The following MAP2K4 variants were observed in gnomAD, a reference collection of about 807,000 sequenced individuals.
MAP2K4 encodes dual specificity mitogen-activated protein kinase kinase 4.
In MAP2K4, 4 loss-of-function variants were observed where a neutral mutation model predicts 48.5. The observed-to-expected ratio is 0.08, with a 90% confidence interval of 0.04 to 0.19. The LOEUF is 0.19. Among genes scored for constraint, MAP2K4 ranks in the 10% least tolerant of loss-of-function variants. The pLI, the probability that MAP2K4 is intolerant of heterozygous loss-of-function variation, is 1.00. For missense variants in MAP2K4, 258 were observed against 493.3 expected (o/e 0.52, Z 4.52); for synonymous variants, 166 against 173.1 (o/e 0.96, Z 0.32).
At chr17:12,035,245 C>T (rs917084068) in intron 1 of MAP2K4, among the ~76,000 whole-genome samples, 4 of 152,118 alleles carry the variant, frequency 2.6e-5, no homozygotes, top group Non-Finnish European at 5.9e-5. Context: ...GGGCTGGGCA[C>T]GGTGGCTCAT....
intron 2 of MAP2K4, among the ~76,000 whole-genome samples, chr17:12,070,806 C>T (rs1162246871): frequency 1.3e-5 from 2 of 152,156 alleles, no homozygotes; most frequent in Admixed American, 6.5e-5. Flanking sequence ...CTATCTGGTT[C>T]TTTACAGAAA....
intron 1 of MAP2K4, among the ~76,000 whole-genome samples, chr17:12,023,222 T>G (rs944539318): frequency 3.3e-5 from 5 of 152,230 alleles, no homozygotes; most frequent in Non-Finnish European, 7.3e-5. Context: ...CAGGATGTTG[T>G]CTAGAACAGT....
In MAP2K4 at chr17:12,041,875, A is replaced by G. The variant is rs184821334; in HGVS notation, c.116-13014A>G. Among the ~76,000 whole-genome samples, 46 of 152,340 alleles carry G rather than the reference A, an allele frequency of 3.0e-4. 1 individual carries two copies. Among genetic ancestry groups the G allele is most frequent in the Admixed American group, 8.5e-4 (13 of 15,304 alleles). On this transcript the variant is annotated intron_variant, in intron 1 of 10. Transcript: ENST00000353533. ...ATTAGAATGTTCTGTCTGATTTCCA[A>G]TGGTCAGAAGTCATGCCGATGGAGG...
rs149095829 is a variant in MAP2K4 at position 12,063,119 on chromosome 17, A to G, written c.218+8128A>G. Among the ~76,000 whole-genome samples the G allele has an allele frequency of 6.6e-5, 10 of 152,248 alleles. No individual in the cohort carries two copies. The East Asian group carries it at 1.9e-3, about 29-fold the overall frequency. On this transcript the variant is annotated intron_variant, in intron 2 of 10. Transcript: ENST00000353533. ...ACTTTTAAAATATGTGTAATGTGAC[A>G]TTTTGATTCTAAAATATGTATGAAA...
intron 2 of MAP2K4, among the ~76,000 whole-genome samples, chr17:12,063,559 T>C (rs997431058): frequency 2.6e-5 from 4 of 152,144 alleles, no homozygotes; most frequent in African/African-American, 9.7e-5. Context: ...ACATCCAAAA[T>C]ATATTTGTTA....
chr17:12,039,255 C>A, intron 1 of MAP2K4, among the ~76,000 whole-genome samples: 1 of 152,144 alleles, frequency 6.6e-6, no homozygotes, highest in Admixed American at 6.5e-5. Context: ...GTGGCACAGC[C>A]ATGAACTTTG....
chr17:12,117,317 G>A lies in MAP2K4; in HGVS notation c.813+3957G>A, dbSNP rs145006646. On this transcript the variant is annotated intron_variant, in intron 7 of 10. Transcript: ENST00000353533. The stretch of plus-strand genomic sequence containing the variant: ...AATATGAAACGTTACCAACACTAGT[G>A]TGACCCAAGTGGAAAATTCACCTGA... Among the ~76,000 whole-genome samples the A allele has an allele frequency of 2.1e-3, 323 of 152,126 alleles. 1 individual carries two copies. Among genetic ancestry groups the A allele is most frequent in the African/African-American group, 7.4e-3 (306 of 41,494 alleles).
At chr17:12,102,685 A>C (rs1056037470) in intron 4 of MAP2K4, among the ~76,000 whole-genome samples, 7 of 152,130 alleles carry the variant, frequency 4.6e-5, no homozygotes, top group Non-Finnish European at 1.0e-4. Context: ...TTTTGACTGA[A>C]TATCCAGCTT....
intron 7 of MAP2K4, among the ~76,000 whole-genome samples, chr17:12,115,167 TAAATA>T (rs1972447732): frequency 6.6e-6 from 1 of 152,192 alleles, no homozygotes; most frequent in Non-Finnish European, 1.5e-5. Flanking sequence ...CATAAAAAAG[TAAATA>T]AAATGTAGAG....
At chr17:12,083,937 C>T (rs1971277583) in intron 3 of MAP2K4, among the ~76,000 whole-genome samples, 1 of 152,136 alleles carries the variant, frequency 6.6e-6, no homozygotes, top group Admixed American at 6.5e-5. Context: ...ATGAGAAACA[C>T]GCTTGAAGTA....
chr17:12,065,206 G>A (rs937510147), intron 2 of MAP2K4, among the ~76,000 whole-genome samples: 14 of 150,576 alleles, frequency 9.3e-5, no homozygotes, highest in Non-Finnish European at 1.8e-4. Context: ...CTATGTAAAT[G>A]ATGCCTCAAT....
intron 1 of MAP2K4, among the ~76,000 whole-genome samples, chr17:12,052,080 C>G (rs1970159643): frequency 6.6e-6 from 1 of 152,146 alleles, no homozygotes; most frequent in South Asian, 2.1e-4. Flanking sequence ...TCATCTTAAA[C>G]TGATCAGCAT....
rs1973375119 is a variant in MAP2K4 at position 12,141,452 on chromosome 17, C to T, written c.*192C>T. The T allele has an allele frequency of 6.6e-6, 4 of 606,200 alleles. No individual in the cohort carries two copies. The East Asian group carries it at 1.1e-4, about 17-fold the overall frequency. The allele number at this position is 606,200 out of a possible 1,614,324, so 37.6% of individuals were successfully genotyped here. A position where few individuals can be genotyped will look rare whatever the true frequency, so the allele number is the denominator to read the frequency against. On this transcript the variant is annotated 3_prime_UTR_variant, in exon 11 of 11. Transcript: ENST00000353533. ...TCCTTGTAATACCTGATTGATCACACAGTGTTAGTGCTGGTCAGAGAGACC... is the reference window on the plus strand; with the variant it reads ...TCCTTGTAATACCTGATTGATCACATAGTGTTAGTGCTGGTCAGAGAGACC...
intron 7 of MAP2K4, among the ~76,000 whole-genome samples, chr17:12,116,757 C>A (rs776511180): frequency 6.6e-6 from 1 of 152,238 alleles, no homozygotes; most frequent in Non-Finnish European, 1.5e-5. Flanking sequence ...GAGCTGTCAT[C>A]TCCTATGATA....
intron 3 of MAP2K4, among the ~76,000 whole-genome samples, chr17:12,091,025 A>G (rs1285090468): frequency 6.6e-6 from 1 of 152,208 alleles, no homozygotes; most frequent in Non-Finnish European, 1.5e-5. Context: ...GGGTTTGGAT[A>G]TGAGGCTGGA....
intron 2 of MAP2K4, among the ~76,000 whole-genome samples, chr17:12,060,045 G>T (rs1205910489): frequency 1.3e-5 from 2 of 152,014 alleles, no homozygotes; most frequent in Non-Finnish European, 2.9e-5. Flanking sequence ...ACGTGTGATG[G>T]TGTGCGCCTG....
At chr17:12,064,541 C>T (rs1020563886) in intron 2 of MAP2K4, among the ~76,000 whole-genome samples, 4 of 152,134 alleles carry the variant, frequency 2.6e-5, no homozygotes, top group Non-Finnish European at 5.9e-5. Flanking sequence ...CACTTCCACC[C>T]GAAGGGCTAG....
At chr17:12,031,694 A>G (rs1346609020) in intron 1 of MAP2K4, among the ~76,000 whole-genome samples, 1 of 152,176 alleles carries the variant, frequency 6.6e-6, no homozygotes, top group Non-Finnish European at 1.5e-5. Context: ...TCTCATTCCT[A>G]GGGACACTAT....
intron 4 of MAP2K4, among the ~76,000 whole-genome samples, chr17:12,101,971 T>C (rs568368917): frequency 1.4e-4 from 22 of 152,240 alleles, no homozygotes; most frequent in African/African-American, 5.3e-4. Flanking sequence ...TACTCCTTTC[T>C]TTCCCAATTA....
Sources: allele counts gnomAD v4.1 joint callset (sites outside exome capture counted in the v4.1 genomes callset), GRCh38; gene constraint gnomAD v4.1.1; transcripts MANE v1.5; gene names NCBI Gene and HGNC (gene_info 2026-07-23, HGNC 2026-07-21).